LRRC7: variants seen among roughly 807,000 people sequenced by gnomAD.
The protein encoded by LRRC7 is leucine rich repeat containing 7, also known as leucine-rich repeat-containing protein 7.
LRRC7 carries 23 observed loss-of-function variants against 175.7 expected under a neutral mutation model. That is an observed-to-expected ratio of 0.13 (90% CI 0.09 to 0.19). The LOEUF is 0.19. LRRC7 is among the 10% of genes least tolerant of loss of function. The pLI is 1.00. For missense variants in LRRC7, 1,354 were observed against 1,904.7 expected (o/e 0.71, Z 5.38); for synonymous variants, 685 against 680.9 (o/e 1.01, Z -0.09).
intron 23 of LRRC7, among the ~76,000 whole-genome samples, 168 bp downstream of exon 23, chr1:70,053,313 G>A (rs888634598): frequency 4.6e-5 from 7 of 152,112 alleles, no homozygotes; most frequent in African/African-American, 1.4e-4. Context: ...GAAATGAATG[G>A]AAAATAAACA....
chr1:69,867,063 T>C (rs746962416), intron 7 of LRRC7, among the ~76,000 whole-genome samples: 1 of 152,148 alleles, frequency 6.6e-6, no homozygotes, highest in Admixed American at 6.5e-5. Flanking sequence ...TACACCTCAA[T>C]GTCAAAGGAA....
chr1:69,644,284 G>GT (rs2100447146), intron 1 of LRRC7, among the ~76,000 whole-genome samples: 1 of 151,990 alleles, frequency 6.6e-6, no homozygotes, highest in South Asian at 2.1e-4. Flanking sequence ...GCATATTTTT[G>GT]TATTTCTCTC....
intron 2 of LRRC7, among the ~76,000 whole-genome samples, chr1:69,724,445 C>T (rs2100792527): frequency 6.6e-6 from 1 of 152,214 alleles, no homozygotes; most frequent in Middle Eastern, 3.4e-3. Context: ...GAATAGCAAG[C>T]AACAGGACAC....
intron 2 of LRRC7, among the ~76,000 whole-genome samples, chr1:69,699,584 C>A (rs1663080427): frequency 6.6e-6 from 1 of 152,134 alleles, no homozygotes. Context: ...TCTTTCCTGA[C>A]CTCTGCAGAT....
At position 70,036,464 on chromosome 1, in the gene LRRC7, G is replaced by A; in HGVS notation, c.2128G>A (p.Val710Ile). 6.2e-7 allele frequency: 1 copy of A among 1,613,068 alleles called. No individual in the cohort carries two copies. The highest frequency in any genetic ancestry group is 8.5e-7 in the Non-Finnish European group (1 of 1,179,660). The change falls in exon 20 of 27, where the codon GTT becomes ATT. Residue 710 changes from valine to isoleucine, a missense_variant. Transcript: ENST00000651989. ...DKKESTDESE[V>I]DKTHCLNNSV... ...TTCAGAATCAACTGATGAGTCTGAA[G>A]TTGACAAAACTCACTGTCTGAATAA...
At chr1:69,889,266 T>C (rs12032860) in intron 7 of LRRC7, among the ~76,000 whole-genome samples, 85,659 of 151,848 alleles carry the variant, frequency 0.56, 24,249 homozygotes, top group East Asian at 0.7. Flanking sequence ...TTTGCTGCAT[T>C]GATTGACTCT....
intron 21 of LRRC7, among the ~76,000 whole-genome samples, chr1:70,041,802 C>T (rs1659921981): frequency 6.6e-6 from 1 of 152,238 alleles, no homozygotes. Context: ...TGGTTCCTCT[C>T]CTTTGACCCC....
At chr1:70,026,351 A>AT (rs1028169606) in intron 17 of LRRC7, among the ~76,000 whole-genome samples, 12 of 152,072 alleles carry the variant, frequency 7.9e-5, no homozygotes, top group East Asian at 3.9e-4. Context: ...TTTTAATGTA[A>AT]TTTTTTTTAC....
intron 1 of LRRC7, among the ~76,000 whole-genome samples, chr1:69,632,069 G>T (rs1249768064): frequency 6.6e-6 from 1 of 152,064 alleles, no homozygotes. Flanking sequence ...GCATCAGCCA[G>T]TCTGAATCTT....
chr1:70,089,033 A>C (rs919497676), intron 24 of LRRC7, among the ~76,000 whole-genome samples: 7 of 152,090 alleles, frequency 4.6e-5, no homozygotes, highest in African/African-American at 1.7e-4. Context: ...TTCCCTAGCA[A>C]TGTCTCCATA....
rs1557641374 is a variant in LRRC7, at chr1:69,717,839, AAAAAAGAAAG to A, written c.100+39365_100+39374del. Among the ~76,000 whole-genome samples, 9 of 43,990 alleles carry A rather than the reference AAAAAAGAAAG, an allele frequency of 2.0e-4. 2 individuals are homozygous for A. Among genetic ancestry groups the A allele is most frequent in the Admixed American group, 4.8e-4 (2 of 4,156 alleles). 28.9% of individuals were successfully genotyped at this position (43,990 alleles called of 152,430 possible). On this transcript the variant is annotated intron_variant, in intron 2 of 26. Coordinates refer to ENST00000651989, the MANE Select transcript of LRRC7 (RefSeq NM_001370785.2). ...GAAAGAAAGAAAGAAAGAAAGAAAGAAAAAAGAAAGAAAGGAAAGAAAGAAAGAAAGAAAG... is the reference window on the plus strand; with the variant it reads ...GAAAGAAAGAAAGAAAGAAAGAAAGAAAAGGAAAGAAAGAAAGAAAGAAAG...
At chr1:69,714,781 G>T (rs1417435) in intron 2 of LRRC7, among the ~76,000 whole-genome samples, 66,179 of 151,596 alleles carry the variant, frequency 0.44, 14,676 homozygotes, top group Admixed American at 0.5. Context: ...GGAATCTGAT[G>T]TTTTTTTTAA....
chr1:69,942,751 A>G (rs1323194127), intron 8 of LRRC7, among the ~76,000 whole-genome samples: 1 of 152,060 alleles, frequency 6.6e-6, no homozygotes, highest in African/African-American at 2.4e-5. Flanking sequence ...TAATCTCTCC[A>G]TCTCAAGATC....
intron 8 of LRRC7, among the ~76,000 whole-genome samples, chr1:69,968,799 TTTTTTTG>T (rs896234171): frequency 4.6e-5 from 7 of 151,460 alleles, no homozygotes; most frequent in East Asian, 1.9e-4. Context: ...CTTTGTGGGG[TTTTTTTG>T]TTTTTTGTTT....
intron 11 of LRRC7, among the ~76,000 whole-genome samples, chr1:69,996,330 A>G (rs1046640978): frequency 1.2e-4 from 18 of 152,124 alleles, no homozygotes; most frequent in Non-Finnish European, 2.2e-4. Flanking sequence ...TAGGTTGCGA[A>G]AATTTTCTCC....
intron 4 of LRRC7, among the ~76,000 whole-genome samples, chr1:69,792,381 C>T (rs1675230218): frequency 6.6e-6 from 1 of 151,962 alleles, no homozygotes; most frequent in Non-Finnish European, 1.5e-5. Context: ...GTCTTGTTTC[C>T]CTCTGCATTC....
chr1:70,039,399 G>A lies in LRRC7; in HGVS notation c.3575G>A (p.Arg1192His), dbSNP rs148814251. ...GRPPYRGGLD[R>H]QSSVTVTESQ... is the part of the protein sequence containing the mutation. ...CCCCCATATAGGGGAGGGCTGGATCGCCAAAGCAGCGTTACAGTGACTGAG... is the reference window on the plus strand; with the variant it reads ...CCCCCATATAGGGGAGGGCTGGATCACCAAAGCAGCGTTACAGTGACTGAG... Residue 1192 changes from arginine to histidine, a missense_variant, in exon 21 of 27, where the codon CGC (arginine) becomes CAC (histidine). This residue lies in a region of LRRC7 where 1,032 missense variants were observed against 1,227.2 expected (regional missense o/e 0.84). Transcript: ENST00000651989. 2.9e-5 allele frequency: 47 copies of A among 1,613,972 alleles called. No individual in the cohort carries two copies. Among genetic ancestry groups the A allele is most frequent in the Middle Eastern group, 3.3e-4 (2 of 6,082 alleles).
intron 8 of LRRC7, among the ~76,000 whole-genome samples, chr1:69,945,195 A>G (rs1392939896): frequency 6.6e-6 from 1 of 152,262 alleles, no homozygotes; most frequent in South Asian, 2.1e-4. Context: ...TATGGGGTGG[A>G]ATAATGGTCC....
At chr1:69,753,817 G>T (rs556235690) in intron 2 of LRRC7, among the ~76,000 whole-genome samples, 6 of 152,098 alleles carry the variant, frequency 3.9e-5, no homozygotes, top group South Asian at 2.1e-4. Context: ...ATTAAAATAT[G>T]ATCAAAGTGA....
Sources: allele counts gnomAD v4.1 joint callset (sites outside exome capture counted in the v4.1 genomes callset), GRCh38; gene constraint gnomAD v4.1.1; regional missense constraint gnomAD v4.1.1; transcripts MANE v1.5; gene names NCBI Gene and HGNC (gene_info 2026-07-23, HGNC 2026-07-21).